SCAPER: variants seen among roughly 807,000 people sequenced by gnomAD.
The protein encoded by SCAPER is S phase cyclin A-associated protein in the endoplasmic reticulum.
A neutral mutation model predicts 182.2 loss-of-function variants in SCAPER; 98 were observed. The ratio of observed to expected loss-of-function variants is 0.54; its 90% CI spans 0.46 to 0.64. The LOEUF (loss-of-function observed/expected upper bound fraction) is 0.64. SCAPER is among the 30% of genes least tolerant of loss of function. The pLI is 0.00. For missense variants in SCAPER, 1,432 were observed against 1,690.0 expected (o/e 0.85, Z 2.68); for synonymous variants, 605 against 564.6 (o/e 1.07, Z -1.01).
intron 2 of SCAPER, 88 bp downstream of exon 2, chr15:76,883,724 G>T (rs1338144463): frequency 9.0e-7 from 1 of 1,106,660 alleles, no homozygotes; most frequent in Non-Finnish European, 1.3e-6. Context: ...TATCTTGAAT[G>T]AAACAACTAT....
At chr15:76,529,685 A>C (rs1483012050) in intron 23 of SCAPER, among the ~76,000 whole-genome samples, 1 of 152,266 alleles carries the variant, frequency 6.6e-6, no homozygotes, top group Admixed American at 6.5e-5. Context: ...CAGAGAGAAG[A>C]GTAAGTGCCA....
intron 5 of SCAPER, among the ~76,000 whole-genome samples, chr15:76,822,717 C>A (rs1467509040): frequency 6.6e-6 from 1 of 152,088 alleles, no homozygotes; most frequent in South Asian, 2.1e-4. Context: ...ACACACTTGG[C>A]AAAGATAAAT....
At chr15:76,408,457 G>A (rs2045027790) in intron 26 of SCAPER, among the ~76,000 whole-genome samples, 1 of 152,042 alleles carries the variant, frequency 6.6e-6, no homozygotes. Flanking sequence ...AAACCATGCT[G>A]TGCCAAACAT....
chr15:76,813,249 A>T (rs8041584), intron 5 of SCAPER, among the ~76,000 whole-genome samples: 2 of 60,118 alleles, frequency 3.3e-5, no homozygotes, highest in African/African-American at 7.6e-5. Context: ...AAAAAAAAAA[A>T]AAAAAACAAC....
intron 22 of SCAPER, among the ~76,000 whole-genome samples, chr15:76,593,915 TCTC>T (rs1426784110): frequency 1.7e-5 from 2 of 120,402 alleles, no homozygotes; most frequent in East Asian, 2.3e-4. Flanking sequence ...GAAGGCCTCT[TCTC>T]CTCCAAAGGA....
At chr15:76,826,372 T>C (rs1194366843) in intron 5 of SCAPER, among the ~76,000 whole-genome samples, 1 of 126,608 alleles carries the variant, frequency 7.9e-6, no homozygotes, top group African/African-American at 3.1e-5. Flanking sequence ...TGAGAACACA[T>C]GGACACAGGA....
At chr15:76,508,882 G>A (rs914985420) in intron 23 of SCAPER, among the ~76,000 whole-genome samples, 1 of 152,100 alleles carries the variant, frequency 6.6e-6, no homozygotes, top group African/African-American at 2.4e-5. Context: ...AGTACCATAA[G>A]TTAGGGTTGT....
intron 22 of SCAPER, among the ~76,000 whole-genome samples, chr15:76,582,210 A>G (rs985535569): frequency 2.0e-5 from 3 of 152,220 alleles, no homozygotes; most frequent in Non-Finnish European, 2.9e-5. Context: ...TGGAAAACCT[A>G]AAGACTCCAC....
intron 29 of SCAPER, among the ~76,000 whole-genome samples, chr15:76,370,628 A>G (rs1356589737): frequency 1.3e-5 from 2 of 152,090 alleles, no homozygotes; most frequent in Non-Finnish European, 2.9e-5. Flanking sequence ...TTTTAACTCC[A>G]CAATTACAAT....
chr15:76,872,408 T>C (rs2072789029), intron 2 of SCAPER, among the ~76,000 whole-genome samples: 1 of 151,728 alleles, frequency 6.6e-6, no homozygotes, highest in South Asian at 2.1e-4. Context: ...ACAGAAAAAC[T>C]GATGAAAACC....
Position 76,381,379 on chromosome 15 carries a change from T to C in SCAPER, c.3704A>G (p.Gln1235Arg). The C allele has an allele frequency of 6.2e-7, 1 of 1,611,280 alleles. No individual in the cohort carries two copies. The highest frequency in any genetic ancestry group is 2.2e-5 in the East Asian group (1 of 44,862). ...SFAALHLPAF[Q>R]SIVGAEGLSL... ...TCGATATAAACCAATACTTGGTACC[T>C]GAAAAGCAGGCAGATGAAGAGCTGC... The change falls in exon 28 of 32, where the codon CAG (glutamine) becomes CGG (arginine). Residue 1235 changes from glutamine (Q) to arginine (R), a missense_variant and splice_region_variant. This residue lies in a region of SCAPER where 718 missense variants were observed against 799.7 expected (regional missense o/e 0.90). Transcript: ENST00000563290.
At position 76,514,030 on chromosome 15, in the gene SCAPER, C is replaced by T. The variant is rs185026565; in HGVS notation, c.2839-9056G>A. ...CTGTAAAGCCTATACTCTCCTATGTCTGTGTTCCTACCCAGGGCCAAGCAC... is the reference window on the plus strand; with the variant it reads ...CTGTAAAGCCTATACTCTCCTATGTTTGTGTTCCTACCCAGGGCCAAGCAC... On this transcript the variant is annotated intron_variant, in intron 23 of 31. Coordinates refer to ENST00000563290, the MANE Select transcript of SCAPER (RefSeq NM_020843.4). Among the ~76,000 whole-genome samples, 504 of 152,294 alleles carry T rather than the reference C, an allele frequency of 3.3e-3. 2 individuals are homozygous for T. Among genetic ancestry groups the T allele is most frequent in the African/African-American group, 0.012 (479 of 41,562 alleles).
intron 23 of SCAPER, among the ~76,000 whole-genome samples, chr15:76,550,750 G>T (rs902142651): frequency 3.9e-5 from 6 of 152,178 alleles, no homozygotes; most frequent in African/African-American, 9.7e-5. Flanking sequence ...TCTGGTTCTA[G>T]ATCTTTGAGG....
intron 24 of SCAPER, among the ~76,000 whole-genome samples, chr15:76,492,140 C>T (rs867224274): frequency 2.6e-5 from 4 of 152,226 alleles, no homozygotes; most frequent in Middle Eastern, 3.4e-3. Flanking sequence ...AAAATATACC[C>T]TGATTGATGG....
intron 21 of SCAPER, among the ~76,000 whole-genome samples, chr15:76,660,592 C>G (rs1256551508): frequency 6.6e-6 from 1 of 152,006 alleles, no homozygotes; most frequent in Non-Finnish European, 1.5e-5. Context: ...AAAGCTTCCT[C>G]AATCTGATAA....
intron 5 of SCAPER, among the ~76,000 whole-genome samples, chr15:76,827,379 T>C (rs1208155189): frequency 6.6e-6 from 1 of 152,228 alleles, no homozygotes; most frequent in East Asian, 1.9e-4. Flanking sequence ...CAAGCTCTTC[T>C]GTAGTGAGTA....
intron 23 of SCAPER, among the ~76,000 whole-genome samples, chr15:76,566,059 G>A (rs920804067): frequency 6.6e-6 from 1 of 152,046 alleles, no homozygotes; most frequent in African/African-American, 2.4e-5. Flanking sequence ...TTTGGAAGAT[G>A]GGCAGTGTCT....
chr15:76,395,198 A>C (rs1596415044), intron 27 of SCAPER, among the ~76,000 whole-genome samples: 1 of 152,264 alleles, frequency 6.6e-6, no homozygotes, highest in South Asian at 2.1e-4. Flanking sequence ...TTTATGGCTG[A>C]ATAGGACTCC....
At chr15:76,427,693 A>T (rs1270347416) in intron 26 of SCAPER, among the ~76,000 whole-genome samples, 1 of 152,036 alleles carries the variant, frequency 6.6e-6, no homozygotes, top group African/African-American at 2.4e-5. Flanking sequence ...AAAAAAAATT[A>T]AAAAATTAGC....
Sources: gnomAD v4.1 joint callset for allele counts (sites outside exome capture counted in the v4.1 genomes callset) on GRCh38, gnomAD v4.1.1 for gene constraint, gnomAD v4.1.1 regional missense constraint, MANE v1.5 for transcripts, NCBI Gene and HGNC (gene_info 2026-07-23, HGNC 2026-07-21) for gene names.